Variants in NLRP5 observed in about 807,000 individuals in gnomAD.
The protein encoded by NLRP5 is NLR family pyrin domain containing 5, also known as NACHT, LRR and PYD domains-containing protein 5.
NLRP5 carries 93 observed loss-of-function variants against 113.1 expected under a neutral mutation model. The ratio of observed to expected loss-of-function variants is 0.82; its 90% CI spans 0.70 to 0.98. The LOEUF (loss-of-function observed/expected upper bound fraction) is 0.98, where lower values mean the gene tolerates loss of function less well. Among genes scored for constraint, NLRP5 ranks in the 50% least tolerant of loss-of-function variants. The pLI is 0.00. For synonymous variants in NLRP5, 751 were observed against 600.7 expected (o/e 1.25, Z -3.66); for missense variants, 1,808 against 1,514.3 (o/e 1.19, Z -3.22).
intron 1 of NLRP5, 67 bp from the exon 2 acceptor site, chr19:56,003,669 T>C (rs1981739718): frequency 2.6e-6 from 4 of 1,534,004 alleles, no homozygotes; most frequent in Non-Finnish European, 3.5e-6. Context: ...AGGTGATTGA[T>C]GTTAGTTGTA....
At chr19:56,008,465 C>G (rs1415724017) in intron 2 of NLRP5, among the ~76,000 whole-genome samples, 1 of 152,066 alleles carries the variant, frequency 6.6e-6, no homozygotes, top group Non-Finnish European at 1.5e-5. Flanking sequence ...CTAACTGGGT[C>G]TGGAGTTCAA....
At chr19:56,054,997 T>C (rs1984077894) in intron 13 of NLRP5, among the ~76,000 whole-genome samples, 2 of 67,428 alleles carry the variant, frequency 3.0e-5, no homozygotes, top group African/African-American at 4.4e-5. Flanking sequence ...CTCCCCTTTT[T>C]TTTTTTTTTT....
intron 3 of NLRP5, among the ~76,000 whole-genome samples, chr19:56,015,007 A>G (rs1982350214): frequency 6.6e-6 from 1 of 152,188 alleles, no homozygotes; most frequent in African/African-American, 2.4e-5. Flanking sequence ...GGTATATGAC[A>G]CAGTAACAAC....
chr19:56,042,147 C>A (rs973916038), intron 11 of NLRP5, among the ~76,000 whole-genome samples: 1 of 152,134 alleles, frequency 6.6e-6, no homozygotes, highest in Non-Finnish European at 1.5e-5. Flanking sequence ...ACTGAGCACT[C>A]CCGGTATTGA....
chr19:56,011,812 C>T (rs926364443), intron 3 of NLRP5, among the ~76,000 whole-genome samples: 4 of 151,544 alleles, frequency 2.6e-5, no homozygotes, highest in African/African-American at 9.7e-5. Context: ...TCCTGTCTGC[C>T]TCCCAAGTAG....
chr19:56,059,987 T>C (rs1015043476), intron 14 of NLRP5, among the ~76,000 whole-genome samples: 1 of 152,074 alleles, frequency 6.6e-6, no homozygotes, highest in African/African-American at 2.4e-5. Flanking sequence ...CCTGGAATCA[T>C]AGGAGGAAGG....
chr19:56,041,134 T>C, intron 11 of NLRP5, 42 bp downstream of exon 11: 1 of 1,594,706 alleles, frequency 6.3e-7, no homozygotes, highest in African/African-American at 1.3e-5. Context: ...CCTAGCTTTC[T>C]AACATAGCAT....
intron 11 of NLRP5, among the ~76,000 whole-genome samples, chr19:56,049,773 C>T (rs511176): frequency 0.15 from 22,190 of 152,046 alleles, 2,045 homozygotes; most frequent in Middle Eastern, 0.22. Context: ...GATTTCCTTG[C>T]ATTGGGCTTC....
chr19:56,032,774 A>T lies in NLRP5; in HGVS notation c.2440A>T (p.Thr814Ser). Residue 814 changes from threonine (T) to serine (S), a missense_variant, in exon 8 of 15, where the codon ACC (threonine) becomes TCC (serine). Coordinates refer to ENST00000390649, the MANE Select transcript of NLRP5 (RefSeq NM_153447.4). ...GAGGCATCCCACCTGCAAGATACAG[A>T]CCCTGATGTAAGGCTGCCCGCCCCC... 6.2e-7 allele frequency: 1 copy of T among 1,607,122 alleles called. No homozygotes were observed. Among genetic ancestry groups the T allele is most frequent in the Non-Finnish European group, 8.5e-7 (1 of 1,176,992 alleles).
chr19:56,055,537 C>A (rs10403937), intron 13 of NLRP5, among the ~76,000 whole-genome samples: 4 of 76,462 alleles, frequency 5.2e-5, no homozygotes, highest in African/African-American at 2.0e-4. Context: ...CTTTCTCTGT[C>A]TTTTTTTTTT....
At chr19:56,043,542 C>CCTTTTT (rs1983599289) in intron 11 of NLRP5, among the ~76,000 whole-genome samples, 2 of 92,964 alleles carry the variant, frequency 2.2e-5, no homozygotes, top group East Asian at 4.7e-4. Context: ...CTCTGCTATT[C>CCTTTTT]TTTTTTTTTT....
Position 56,058,303 on chromosome 19 carries a change from C to T in NLRP5, c.3363C>T (p.Asn1121=), listed in dbSNP as rs760152077. The change falls in exon 14 of 15, where the codon AAC becomes AAT. Residue 1121 remains asparagine (N), a synonymous_variant. Coordinates refer to ENST00000390649, the MANE Select transcript of NLRP5 (RefSeq NM_153447.4). ...CACTCTCCTTGGCCCTTTCCTGCAA[C>T]CGGCATCTGACCAGTCTAAACCTGG... The T allele has an allele frequency of 3.7e-6, 6 of 1,613,826 alleles. No homozygotes were observed. Among genetic ancestry groups the T allele is most frequent in the South Asian group, 1.1e-5 (1 of 91,078 alleles).
intron 9 of NLRP5, among the ~76,000 whole-genome samples, chr19:56,036,695 G>A (rs1260385417): frequency 6.6e-6 from 1 of 152,162 alleles, no homozygotes. Flanking sequence ...AGTGGCTCAT[G>A]CCTGTCATCC....
At chr19:56,023,158 G>A (rs2574764) in intron 6 of NLRP5, among the ~76,000 whole-genome samples, 111,271 of 152,126 alleles carry the variant, frequency 0.73, 41,889 homozygotes, top group Non-Finnish European at 0.82. Flanking sequence ...CTGAAGTATA[G>A]ACGTGATAAT....
At chr19:56,032,821 G>T in intron 8 of NLRP5, 40 bp downstream of exon 8, 1 of 1,564,536 alleles carries the variant, frequency 6.4e-7, no homozygotes, top group South Asian at 1.2e-5. Flanking sequence ...CCCTTCCCAT[G>T]ACGCTATCCC....
chr19:56,030,810 G>A (rs1418604003), intron 7 of NLRP5, among the ~76,000 whole-genome samples: 1 of 137,786 alleles, frequency 7.3e-6, no homozygotes, highest in Non-Finnish European at 1.5e-5. Flanking sequence ...CACCTCCTGG[G>A]TTCAAGCGAT....
At chr19:56,026,845 G>A in intron 6 of NLRP5, 68 bp from the exon 7 acceptor site, 1 of 1,478,046 alleles carries the variant, frequency 6.8e-7, no homozygotes, top group Non-Finnish European at 9.1e-7. Flanking sequence ...CACAGTGCTG[G>A]GATGACAGGT....
At chr19:55,998,686 A>ATATATGTG (rs1981437840), upstream of NLRP5, among the ~76,000 whole-genome samples, 1 of 47,540 alleles carries the variant, frequency 2.1e-5, no homozygotes, top group African/African-American at 8.6e-5. Flanking sequence ...ATATATATAT[A>ATATATGTG]TATATATATA....
intron 13 of NLRP5, among the ~76,000 whole-genome samples, chr19:56,056,177 T>C (rs1323190669): frequency 6.6e-6 from 1 of 152,126 alleles, no homozygotes; most frequent in Non-Finnish European, 1.5e-5. Context: ...CTTCAAATAA[T>C]ATAAAATCAT....
Sources: allele counts gnomAD v4.1 joint callset (sites outside exome capture counted in the v4.1 genomes callset), GRCh38; gene constraint gnomAD v4.1.1; transcripts MANE v1.5; gene names NCBI Gene and HGNC (gene_info 2026-07-23, HGNC 2026-07-21).